The following CADM2 variants were observed in gnomAD, a reference collection of about 807,000 sequenced individuals.
The protein encoded by CADM2 is immunoglobulin superfamily member 4D.
Under a neutral mutation model 49.8 loss-of-function variants are expected in CADM2, and 12 were observed. The ratio of observed to expected loss-of-function variants is 0.24; its 90% CI spans 0.15 to 0.39. CADM2 has a LOEUF of 0.39. CADM2 is among the 10% of genes least tolerant of loss of function. The pLI, the probability that CADM2 is intolerant of heterozygous loss-of-function variation, is 1.00. For missense variants in CADM2, 378 were observed against 492.3 expected (o/e 0.77, Z 2.20); for synonymous variants, 214 against 175.4 (o/e 1.22, Z -1.74).
intron 1 of CADM2, among the ~76,000 whole-genome samples, chr3:85,618,933 CAGG>C (rs1414757537): frequency 6.6e-6 from 1 of 151,712 alleles, no homozygotes; most frequent in East Asian, 1.9e-4. Context: ...CCCAACTACT[CAGG>C]AGGCTGAGGC....
chr3:85,572,688 A>G (rs893268377), intron 1 of CADM2, among the ~76,000 whole-genome samples: 2 of 152,212 alleles, frequency 1.3e-5, no homozygotes, highest in Non-Finnish European at 2.9e-5. Flanking sequence ...CTAGTCTTTA[A>G]GTCCTGGAGT....
At chr3:85,585,965 G>T (rs1054807829) in intron 1 of CADM2, among the ~76,000 whole-genome samples, 6 of 151,870 alleles carry the variant, frequency 4.0e-5, no homozygotes, top group Non-Finnish European at 7.4e-5. Context: ...TTTTTTAATG[G>T]ATATGATACT....
chr3:85,761,759 TTG>T (rs1207973122), intron 2 of CADM2, among the ~76,000 whole-genome samples: 1 of 152,196 alleles, frequency 6.6e-6, no homozygotes, highest in East Asian at 1.9e-4. Context: ...GATCTCATTC[TTG>T]TGTGTTTGTT....
intron 2 of CADM2, among the ~76,000 whole-genome samples, chr3:85,766,966 A>C (rs1678554800): frequency 6.6e-6 from 1 of 152,150 alleles, no homozygotes; most frequent in South Asian, 2.1e-4. Flanking sequence ...TTTGTCATAG[A>C]TTAGCAGCTC....
chr3:85,476,543 T>A (rs540734151), intron 1 of CADM2, among the ~76,000 whole-genome samples: 2 of 151,862 alleles, frequency 1.3e-5, no homozygotes, highest in South Asian at 4.1e-4. Context: ...TTTTATGAGT[T>A]TTTTCATGTC....
intron 1 of CADM2, among the ~76,000 whole-genome samples, chr3:85,568,026 T>A (rs981848122): frequency 2.6e-5 from 4 of 152,144 alleles, no homozygotes; most frequent in Non-Finnish European, 5.9e-5. Context: ...TGAGGAAGGA[T>A]CTTTCTTACT....
chr3:85,124,110 T>A (rs1427782889), intron 1 of CADM2, among the ~76,000 whole-genome samples: 1 of 152,188 alleles, frequency 6.6e-6, no homozygotes, highest in Non-Finnish European at 1.5e-5. Flanking sequence ...CCCTTCTAAG[T>A]TAGGGATCTA....
chr3:85,925,953 C>T (rs1333229051), intron 6 of CADM2, among the ~76,000 whole-genome samples: 6 of 151,690 alleles, frequency 4.0e-5, no homozygotes, highest in East Asian at 1.9e-4. Flanking sequence ...CTGGCTAACA[C>T]GGTGAAACCC....
chr3:85,965,586 A>AT (rs1329039703), intron 8 of CADM2, among the ~76,000 whole-genome samples: 1 of 151,422 alleles, frequency 6.6e-6, no homozygotes, highest in Non-Finnish European at 1.5e-5. Context: ...GAAAACTCTA[A>AT]TTTTTTTCTA....
intron 1 of CADM2, among the ~76,000 whole-genome samples, chr3:85,550,195 C>T (rs2061767050): frequency 6.6e-6 from 1 of 152,098 alleles, no homozygotes; most frequent in Non-Finnish European, 1.5e-5. Flanking sequence ...TAGTTTATTA[C>T]ATTTTACTAA....
chr3:85,479,854 T>C (rs2039137611), intron 1 of CADM2, among the ~76,000 whole-genome samples: 1 of 151,996 alleles, frequency 6.6e-6, no homozygotes, highest in African/African-American at 2.4e-5. Flanking sequence ...CCAAATTTCT[T>C]ATAGAAGTCT....
At chr3:85,108,070 G>T (rs924397407) in intron 1 of CADM2, among the ~76,000 whole-genome samples, 4 of 151,894 alleles carry the variant, frequency 2.6e-5, no homozygotes, top group Admixed American at 1.3e-4. Context: ...CCATCTCTGG[G>T]TATATACACA....
intron 1 of CADM2, among the ~76,000 whole-genome samples, chr3:85,386,457 C>T (rs1333108222): frequency 6.6e-6 from 1 of 152,146 alleles, no homozygotes; most frequent in African/African-American, 2.4e-5. Flanking sequence ...AGGGTGAGAC[C>T]TCTGAGTGAC....
chr3:85,573,062 A>G (rs1423331697), intron 1 of CADM2, among the ~76,000 whole-genome samples: 2 of 152,160 alleles, frequency 1.3e-5, no homozygotes, highest in African/African-American at 4.8e-5. Context: ...AAAATATCTT[A>G]TTGTTATAAA....
At chr3:85,965,510 T>A (rs1393539269) in intron 8 of CADM2, among the ~76,000 whole-genome samples, 8 of 151,358 alleles carry the variant, frequency 5.3e-5, no homozygotes, top group African/African-American at 1.9e-4. Flanking sequence ...TTGCATACAG[T>A]TATTGCTCAT....
intron 5 of CADM2, 48 bp from the exon 6 acceptor site, chr3:85,912,325 T>C: frequency 7.0e-7 from 1 of 1,428,292 alleles, no homozygotes; most frequent in Non-Finnish European, 9.6e-7. Flanking sequence ...ATGCAATCTG[T>C]TTTATTTTGA....
intron 1 of CADM2, among the ~76,000 whole-genome samples, chr3:85,397,543 C>T (rs1191139937): frequency 6.6e-6 from 1 of 152,136 alleles, no homozygotes; most frequent in African/African-American, 2.4e-5. Context: ...GAATATTATT[C>T]AGCCTTAAAA....
At chr3:85,459,916 T>A (rs1242785189) in intron 1 of CADM2, among the ~76,000 whole-genome samples, 1 of 86,554 alleles carries the variant, frequency 1.2e-5, no homozygotes, top group African/African-American at 4.1e-5. Flanking sequence ...GTTACTGCAT[T>A]GTTTCATCTC....
intron 1 of CADM2, among the ~76,000 whole-genome samples, chr3:85,322,109 A>G (rs572457679): frequency 6.6e-6 from 1 of 152,306 alleles, no homozygotes; most frequent in South Asian, 2.1e-4. Flanking sequence ...TTATTTATCT[A>G]AGGGTCAAAG....
Sources: gnomAD v4.1 joint callset for allele counts (sites outside exome capture counted in the v4.1 genomes callset) on GRCh38, gnomAD v4.1.1 for gene constraint, MANE v1.5 for transcripts, NCBI Gene and HGNC (gene_info 2026-07-23, HGNC 2026-07-21) for gene names.